ZNF420: variants seen among roughly 807,000 people sequenced by gnomAD.
ZNF420 encodes the protein zinc finger protein 420.
Under a neutral mutation model 44.7 loss-of-function variants are expected in ZNF420, and 31 were observed. The observed-to-expected ratio is 0.69, with a 90% confidence interval of 0.52 to 0.94. The LOEUF is 0.94. Ranked by LOEUF, ZNF420 falls within the 40% of genes least tolerant of loss-of-function variation. ZNF420 has a pLI of 0.00. For synonymous variants in ZNF420, 245 were observed against 267.4 expected (o/e 0.92, Z 0.82); for missense variants, 681 against 827.9 (o/e 0.82, Z 2.18).
rs1008519916 is a variant in ZNF420, at chr19:37,103,115, G to A, written c.136+11994G>A. On this transcript the variant is annotated intron_variant, in intron 4 of 4. Transcript: ENST00000337995. ...TTTTTTAATAAATGCACTTAAGACT[G>A]TAAATTTCCCTGGGTACAATTTTAG... 1.2e-4 allele frequency among the ~76,000 whole-genome samples: 18 copies of A among 152,000 alleles called. 1 individual carries two copies. The highest frequency in any genetic ancestry group is 9.2e-4 in the Admixed American group (14 of 15,272).
intron 1 of ZNF420, among the ~76,000 whole-genome samples, chr19:37,009,560 CCT>C (rs1376264283): frequency 6.6e-6 from 1 of 152,200 alleles, no homozygotes; most frequent in East Asian, 1.9e-4. Context: ...CGGACTCACC[CCT>C]GTTCTTGTTT....
At chr19:37,040,762 C>A (rs1967438432) in intron 1 of ZNF420, among the ~76,000 whole-genome samples, 1 of 152,070 alleles carries the variant, frequency 6.6e-6, no homozygotes, top group African/African-American at 2.4e-5. Flanking sequence ...ATGAAGATCT[C>A]CATACTATTG....
At chr19:37,054,524 T>C (rs1967706223) in intron 1 of ZNF420, among the ~76,000 whole-genome samples, 1 of 152,228 alleles carries the variant, frequency 6.6e-6, no homozygotes, top group Non-Finnish European at 1.5e-5. Flanking sequence ...TTATTGTATC[T>C]TTTAGTCTAT....
chr19:37,037,053 G>A (rs1193163267), intron 1 of ZNF420, among the ~76,000 whole-genome samples: 1 of 152,112 alleles, frequency 6.6e-6, no homozygotes. Context: ...GAAGCCTTGC[G>A]TACCCCCGTG....
At chr19:37,121,799 T>C (rs559512301) in intron 4 of ZNF420, among the ~76,000 whole-genome samples, 1 of 152,082 alleles carries the variant, frequency 6.6e-6, no homozygotes, top group South Asian at 2.1e-4. Context: ...CATCAAAAAG[T>C]GGGTGAAGGA....
At position 37,091,266 on chromosome 19, in the gene ZNF420, G is replaced by A. The variant is rs998501717; in HGVS notation, c.136+145G>A. ...GTTTGAAATTACTGGAAGTAGACATGGTTTCTCAGGGCACCTTTATCTTTT... is the reference window on the plus strand; with the variant it reads ...GTTTGAAATTACTGGAAGTAGACATAGTTTCTCAGGGCACCTTTATCTTTT... On this transcript the variant is annotated intron_variant, in intron 4 of 4. Transcript: ENST00000337995. 8 of 772,710 alleles carry A rather than the reference G, an allele frequency of 1.0e-5. No individual in the cohort carries two copies. The Admixed American group carries it at 2.5e-4, about 24-fold the overall frequency. 47.9% of individuals were successfully genotyped at this position (772,710 alleles called of 1,614,324 possible).
chr19:37,078,423 G>T (rs960685179), upstream of ZNF420: 2 of 152,270 alleles, frequency 1.3e-5, no homozygotes, highest in African/African-American at 2.4e-5. Flanking sequence ...CTTCATTTCC[G>T]TTAGTTTGCG....
intron 1 of ZNF420, among the ~76,000 whole-genome samples, chr19:37,016,528 TG>T (rs1326644526): frequency 6.6e-6 from 1 of 152,310 alleles, no homozygotes; most frequent in East Asian, 1.9e-4. Context: ...CATTGCCCAT[TG>T]GGAGCATGCC....
chr19:37,094,914 C>CCT (rs1284061626), intron 4 of ZNF420, among the ~76,000 whole-genome samples: 2 of 151,992 alleles, frequency 1.3e-5, no homozygotes, highest in African/African-American at 4.8e-5. Flanking sequence ...GGGCAGATCA[C>CCT]GAGGTCAAGA....
chr19:37,124,076 C>A (rs1007340998), intron 4 of ZNF420, among the ~76,000 whole-genome samples: 1 of 152,126 alleles, frequency 6.6e-6, no homozygotes, highest in Non-Finnish European at 1.5e-5. Context: ...CTCATGCTTT[C>A]TTCTTTCATT....
intron 1 of ZNF420, among the ~76,000 whole-genome samples, chr19:37,039,309 T>C (rs1399968682): frequency 6.6e-6 from 1 of 152,224 alleles, no homozygotes; most frequent in East Asian, 1.9e-4. Context: ...AACAGGCTTA[T>C]AAAATATATT....
At chr19:37,044,048 C>T (rs1320402706) in intron 1 of ZNF420, among the ~76,000 whole-genome samples, 2 of 152,200 alleles carry the variant, frequency 1.3e-5, no homozygotes, top group African/African-American at 4.8e-5. Flanking sequence ...AAATTTTTGA[C>T]CTGATATTCA....
chr19:37,106,198 CTAAT>C (rs1287113448), intron 4 of ZNF420, among the ~76,000 whole-genome samples: 1 of 152,122 alleles, frequency 6.6e-6, no homozygotes, highest in African/African-American at 2.4e-5. Flanking sequence ...CCATCAATAC[CTAAT>C]TTATTGGGAG....
intron 1 of ZNF420, among the ~76,000 whole-genome samples, chr19:37,012,180 C>A (rs2074574372): frequency 6.6e-6 from 1 of 152,164 alleles, no homozygotes; most frequent in Non-Finnish European, 1.5e-5. Context: ...CCTGGTGGTC[C>A]AGCCCTGGGG....
At chr19:37,056,492 TG>T (rs1432502312) in intron 1 of ZNF420, among the ~76,000 whole-genome samples, 1 of 152,198 alleles carries the variant, frequency 6.6e-6, no homozygotes, top group Non-Finnish European at 1.5e-5. Context: ...CCCCTGTCCC[TG>T]TTTGCACTTG....
intron 1 of ZNF420, among the ~76,000 whole-genome samples, chr19:37,072,061 A>G (rs1968068015): frequency 1.3e-5 from 2 of 152,220 alleles, no homozygotes; most frequent in African/African-American, 2.4e-5. Context: ...ACATTGTAAA[A>G]TATGATTTCT....
chr19:37,080,895 T>TA (rs996321797), intron 2 of ZNF420, among the ~76,000 whole-genome samples: 2,013 of 145,244 alleles, frequency 0.014, 48 homozygotes, highest in African/African-American at 0.047. Flanking sequence ...TACTAAAAAT[T>TA]AAAAAAAAAA....
intron 1 of ZNF420, among the ~76,000 whole-genome samples, chr19:37,057,011 A>G (rs1048117825): frequency 1.3e-5 from 2 of 152,258 alleles, no homozygotes. Flanking sequence ...GCATGCGCGA[A>G]GCGCCAGCCA....
At chr19:37,126,531 C>T (rs903484801) in intron 4 of ZNF420, among the ~76,000 whole-genome samples, 2 of 152,110 alleles carry the variant, frequency 1.3e-5, no homozygotes, top group African/African-American at 2.4e-5. Flanking sequence ...TAAAGAAAAT[C>T]ATTATCTGAA....
Sources: allele counts gnomAD v4.1 joint callset (sites outside exome capture counted in the v4.1 genomes callset), GRCh38; gene constraint gnomAD v4.1.1; transcripts MANE v1.5; gene names NCBI Gene and HGNC (gene_info 2026-07-23, HGNC 2026-07-21).